MELK: variants seen among roughly 807,000 people sequenced by gnomAD.
MELK encodes maternal embryonic leucine zipper kinase.
A neutral mutation model predicts 85.0 loss-of-function variants in MELK; 81 were observed. That is an observed-to-expected ratio of 0.95 (90% CI 0.80 to 1.15). The LOEUF is 1.15. Among genes scored for constraint, MELK ranks in the 50% most tolerant of loss-of-function variants. MELK has a pLI of 0.00. For synonymous variants in MELK, 252 were observed against 265.0 expected (o/e 0.95, Z 0.48); for missense variants, 754 against 777.5 (o/e 0.97, Z 0.36).
At chr9:36,610,323 C>T (rs1181764769) in intron 8 of MELK, among the ~76,000 whole-genome samples, 1 of 152,204 alleles carries the variant, frequency 6.6e-6, no homozygotes, top group Non-Finnish European at 1.5e-5. Flanking sequence ...ATAGTTTTTC[C>T]TATATCCCAC....
intron 16 of MELK, among the ~76,000 whole-genome samples, chr9:36,673,232 G>A (rs554886257): frequency 4.6e-5 from 7 of 152,260 alleles, no homozygotes; most frequent in African/African-American, 1.4e-4. Flanking sequence ...TTAGTTTGGT[G>A]AAAAGAGTGC....
chr9:36,621,275 GAAAAAAAA>G (rs74181196), intron 8 of MELK, among the ~76,000 whole-genome samples: 77 of 32,398 alleles, frequency 2.4e-3, no homozygotes, highest in Admixed American at 3.1e-3. Context: ...CTGTCTCAGG[GAAAAAAAA>G]AAAAAAAAAA....
At chr9:36,580,643 T>G (rs551140206) in intron 1 of MELK, among the ~76,000 whole-genome samples, 1 of 151,742 alleles carries the variant, frequency 6.6e-6, no homozygotes, top group African/African-American at 2.4e-5. Context: ...TTAAATTATT[T>G]TTTCTTCAGG....
intron 8 of MELK, among the ~76,000 whole-genome samples, chr9:36,610,273 C>G (rs1366802055): frequency 6.6e-6 from 1 of 152,210 alleles, no homozygotes; most frequent in Non-Finnish European, 1.5e-5. Context: ...AACACCAAGT[C>G]TAAGGACACT....
At chr9:36,622,986 A>C (rs1346930468) in intron 8 of MELK, among the ~76,000 whole-genome samples, 1 of 152,258 alleles carries the variant, frequency 6.6e-6, no homozygotes, top group Non-Finnish European at 1.5e-5. Context: ...AAAGAATAGC[A>C]GAAACAAGGG....
At chr9:36,620,882 T>C (rs13285824) in intron 8 of MELK, among the ~76,000 whole-genome samples, 28 of 152,184 alleles carry the variant, frequency 1.8e-4, no homozygotes, top group Admixed American at 3.3e-4. Flanking sequence ...GAATCTTGAT[T>C]CTGCACTCAT....
intron 7 of MELK, 26 bp from the exon 8 acceptor site, chr9:36,607,549 T>A (rs1825678288): frequency 6.6e-7 from 1 of 1,521,692 alleles, no homozygotes; most frequent in Admixed American, 1.7e-5. Flanking sequence ...GTTTCAGTAA[T>A]TTTTCTTTTT....
intron 9 of MELK, among the ~76,000 whole-genome samples, chr9:36,630,960 C>CTTTT (rs1227155289): frequency 1.6e-5 from 2 of 127,114 alleles, no homozygotes; most frequent in African/African-American, 2.9e-5. Flanking sequence ...GGCCCCAGCT[C>CTTTT]TTTTTTTTTT....
intron 15 of MELK, among the ~76,000 whole-genome samples, chr9:36,669,673 C>T (rs1182835057): frequency 6.6e-6 from 1 of 152,178 alleles, no homozygotes; most frequent in Admixed American, 6.5e-5. Flanking sequence ...CCCCAGCCAA[C>T]TAGTTACCTC....
At chr9:36,581,621 A>G in intron 1 of MELK, 23 bp from the exon 2 acceptor site, 5 of 1,172,872 alleles carry the variant, frequency 4.3e-6, no homozygotes, top group Non-Finnish European at 6.3e-6. Flanking sequence ...TCCTTTATTG[A>G]TTATGTACTC....
At chr9:36,644,471 A>C (rs896723130) in intron 11 of MELK, among the ~76,000 whole-genome samples, 5 of 152,212 alleles carry the variant, frequency 3.3e-5, no homozygotes, top group African/African-American at 1.2e-4. Flanking sequence ...AATATAAAGG[A>C]ATTCTTCTGA....
intron 1 of MELK, among the ~76,000 whole-genome samples, chr9:36,576,571 G>A (rs185887870): frequency 2.0e-5 from 3 of 152,076 alleles, no homozygotes; most frequent in East Asian, 1.9e-4. Context: ...CACTCCTGTC[G>A]TGCAGGCCAG....
intron 1 of MELK, among the ~76,000 whole-genome samples, chr9:36,575,192 G>T (rs895484589): frequency 1.3e-5 from 2 of 152,160 alleles, no homozygotes; most frequent in Non-Finnish European, 2.9e-5. Context: ...TATTTATTTA[G>T]TCAAGCCCAG....
chr9:36,606,433 GGT>G (rs998156453), intron 7 of MELK, among the ~76,000 whole-genome samples: 1 of 123,380 alleles, frequency 8.1e-6, no homozygotes, highest in Non-Finnish European at 1.6e-5. Flanking sequence ...CATATGTATA[GGT>G]GTGTATATAA....
At chr9:36,622,405 C>T (rs556224858) in intron 8 of MELK, among the ~76,000 whole-genome samples, 70 of 152,238 alleles carry the variant, frequency 4.6e-4, no homozygotes, top group African/African-American at 1.4e-3. Flanking sequence ...ATTGAAAAAC[C>T]CAGCAATATT....
chr9:36,594,196 A>G (rs1163475748), intron 4 of MELK, among the ~76,000 whole-genome samples: 1 of 152,194 alleles, frequency 6.6e-6, no homozygotes, highest in Non-Finnish European at 1.5e-5. Context: ...ATACCTCTGT[A>G]GACCTGGGCT....
intron 13 of MELK, among the ~76,000 whole-genome samples, chr9:36,657,700 C>T (rs917750384): frequency 6.6e-6 from 1 of 152,168 alleles, no homozygotes; most frequent in Non-Finnish European, 1.5e-5. Context: ...AAGTGATTCT[C>T]ATGCCTCCTG....
chr9:36,591,227 CTT>C (rs1823520621), intron 4 of MELK, among the ~76,000 whole-genome samples: 1 of 152,176 alleles, frequency 6.6e-6, no homozygotes, highest in Non-Finnish European at 1.5e-5. Flanking sequence ...TTTAAAACCT[CTT>C]TGGTAATTTT....
intron 12 of MELK, among the ~76,000 whole-genome samples, chr9:36,656,659 G>A (rs746082046): frequency 6.0e-5 from 9 of 150,122 alleles, no homozygotes; most frequent in African/African-American, 9.8e-5. Flanking sequence ...ACAGAGTCTC[G>A]CTGTATTACC....
Sources: allele counts gnomAD v4.1 joint callset (sites outside exome capture counted in the v4.1 genomes callset), GRCh38; gene constraint gnomAD v4.1.1; transcripts MANE v1.5; gene names NCBI Gene and HGNC (gene_info 2026-07-23, HGNC 2026-07-21).